Variants in NID1 observed in about 807,000 individuals in gnomAD.
NID1 encodes the protein nidogen-1.
Under a neutral mutation model 130.6 loss-of-function variants are expected in NID1, and 76 were observed. That is an observed-to-expected ratio of 0.58 (90% CI 0.48 to 0.70). NID1 has a LOEUF of 0.70. NID1 is among the 30% of genes least tolerant of loss of function. NID1 has a pLI of 0.00. For synonymous variants in NID1, 665 were observed against 675.1 expected, an observed-to-expected ratio of 0.98 and a Z score of 0.23; for missense variants, 1,517 against 1,664.8, an observed-to-expected ratio of 0.91 and a Z score of 1.54.
At chr1:236,026,260 T>C in intron 7 of NID1, 119 bp from the exon 8 acceptor site, 1 of 1,304,556 alleles carries the variant, frequency 7.7e-7, no homozygotes, top group East Asian at 2.4e-5. Flanking sequence ...CCCATAAGGC[T>C]ACCAGATGAC....
chr1:236,001,339 T>C (rs1658070820), intron 12 of NID1, among the ~76,000 whole-genome samples: 1 of 151,992 alleles, frequency 6.6e-6, no homozygotes, highest in Non-Finnish European at 1.5e-5. Context: ...ACTCCTGACC[T>C]CGTGATTCAC....
intron 12 of NID1, among the ~76,000 whole-genome samples, chr1:236,008,547 C>T (rs1658316169): frequency 6.6e-6 from 1 of 152,136 alleles, no homozygotes; most frequent in African/African-American, 2.4e-5. Flanking sequence ...GTCACCCAGG[C>T]TGGAGTGCAG....
At chr1:236,019,217 G>A (rs964213307) in intron 9 of NID1, among the ~76,000 whole-genome samples, 17 of 152,230 alleles carry the variant, frequency 1.1e-4, no homozygotes, top group African/African-American at 3.9e-4. Context: ...CAGCACGTTT[G>A]GACTTCACAG....
chr1:236,000,623 G>A (rs1163475494), intron 12 of NID1, among the ~76,000 whole-genome samples: 1 of 152,164 alleles, frequency 6.6e-6, no homozygotes, highest in Non-Finnish European at 1.5e-5. Flanking sequence ...GACCTCCTGA[G>A]GCTGTGTCAC....
intron 12 of NID1, among the ~76,000 whole-genome samples, chr1:236,004,017 A>C (rs2102810165): frequency 7.5e-6 from 1 of 133,014 alleles, no homozygotes; most frequent in South Asian, 2.6e-4. Flanking sequence ...TGAATGACAG[A>C]GTGAGACTCT....
intron 8 of NID1, among the ~76,000 whole-genome samples, chr1:236,024,816 C>G (rs1227094090): frequency 1.3e-5 from 2 of 152,224 alleles, no homozygotes; most frequent in Non-Finnish European, 2.9e-5. Flanking sequence ...CCCTAAACCT[C>G]AGCTCCTTCC....
intron 5 of NID1, among the ~76,000 whole-genome samples, chr1:236,034,947 C>T (rs1404747454): frequency 6.6e-6 from 1 of 151,534 alleles, no homozygotes; most frequent in African/African-American, 2.4e-5. Context: ...CACACCCAGC[C>T]CCTCACAGGT....
chr1:235,980,578 C>A lies in NID1; in HGVS notation c.3303G>T (p.Arg1101Ser), dbSNP rs868811218. Residue 1101 changes from arginine to serine, a missense_variant, in exon 17 of 20, where the codon AGG becomes AGT. This residue lies in a region of NID1 where 181 missense variants were observed against 211.3 expected (regional missense o/e 0.86). Transcript: ENST00000264187. ...ETSYMDGTNRRILVQDDLGLP... is the reference protein window; with the variant it reads ...ETSYMDGTNRSILVQDDLGLP... ...AGCCCAGGTCATCCTGCACAAGGAT[C>A]CTCCGGTTCGTGCCGTCCATGTAGG... The A allele has an allele frequency of 6.2e-7, 1 of 1,614,228 alleles. No homozygotes were observed.
intron 1 of NID1, among the ~76,000 whole-genome samples, chr1:236,059,234 C>T (rs1659978220): frequency 6.6e-6 from 1 of 152,108 alleles, no homozygotes; most frequent in Admixed American, 6.6e-5. Flanking sequence ...ATGCAAGTTG[C>T]AATGTTTTTT....
rs1658922062 is a variant in NID1, at chr1:236,026,109, C to T, written c.1771G>A (p.Val591Met). Residue 591 changes from valine (V) to methionine (M), a missense_variant, in exon 8 of 20, where the codon GTG becomes ATG. Coordinates refer to ENST00000264187, the MANE Select transcript of NID1 (RefSeq NM_002508.3). ...ITSSSTREYT[V>M]TEPERDGASP... ...GCCCCATCTCGCTCGGGCTCAGTCA[C>T]CGTGTACTCCCGGGTGGAGGAGGAA... The T allele has an allele frequency of 4.3e-6, 7 of 1,613,770 alleles. No individual in the cohort carries two copies. Among genetic ancestry groups the T allele is most frequent in the Non-Finnish European group, 5.9e-6 (7 of 1,179,954 alleles).
chr1:236,007,762 T>C (rs1200215689), intron 12 of NID1, among the ~76,000 whole-genome samples: 1 of 152,220 alleles, frequency 6.6e-6, no homozygotes, highest in Admixed American at 6.5e-5. Flanking sequence ...CCGACTAATG[T>C]CTCAGCAGCA....
At chr1:235,989,245 TG>T (rs1657658785) in intron 14 of NID1, among the ~76,000 whole-genome samples, 1 of 151,996 alleles carries the variant, frequency 6.6e-6, no homozygotes, top group African/African-American at 2.4e-5. Context: ...TTAGTAGAGA[TG>T]GGGTTTCTCC....
chr1:235,990,965 T>G lies in NID1; in HGVS notation c.2849A>C (p.Gln950Pro). 6.2e-7 allele frequency: 1 copy of G among 1,614,136 alleles called. No individual in the cohort carries two copies. The highest frequency in any genetic ancestry group is 1.1e-5 in the South Asian group (1 of 91,082). The change falls in exon 14 of 20, where the codon CAG (glutamine) becomes CCG (proline). Residue 950 changes from glutamine (Q) to proline (P), a missense_variant. Around this residue, in one of 3 missense-constraint regions of NID1, gnomAD observed 1,329 missense variants for 1,429.2 expected, o/e 0.93. Coordinates refer to ENST00000264187, the MANE Select transcript of NID1 (RefSeq NM_002508.3). ...GGGCAGGCGCTCAATCTTCCCAGTC[T>G]GGGCAAAGAGTAAATGGGTCCCAGG... ...LPPGTHLLFA[Q>P]TGKIERLPLE...
intron 6 of NID1, among the ~76,000 whole-genome samples, chr1:236,031,989 T>G (rs1659112752): frequency 1.3e-5 from 2 of 152,188 alleles, no homozygotes; most frequent in South Asian, 4.2e-4. Context: ...AAAGATCAGT[T>G]TCAGGTTGGT....
intron 12 of NID1, among the ~76,000 whole-genome samples, chr1:236,010,300 C>CTTTTTTTT (rs551127579): frequency 9.3e-6 from 1 of 107,192 alleles, no homozygotes; most frequent in Non-Finnish European, 1.9e-5. Flanking sequence ...GCTATTTATA[C>CTTTTTTTT]TTTTTTTTTT....
At position 235,981,763 on chromosome 1, in the gene NID1, A is replaced by G. The variant is rs1195703547; in HGVS notation, c.3075T>C (p.Gly1025=). ...TGCGGCCAAGGTGATCAACAGCGAT[A>G]CCTTCTGGACTTCCAAGATCTAGAA... ...IIRQDLGSPE[G]IAVDHLGRNI... The change falls in exon 16 of 20, where the codon GGT becomes GGC. Residue 1025 remains glycine, a synonymous_variant. Transcript: ENST00000264187. 1 of 1,610,580 alleles carries G rather than the reference A, an allele frequency of 6.2e-7. No homozygotes were observed. Among genetic ancestry groups the G allele is most frequent in the South Asian group, 1.1e-5 (1 of 90,320 alleles).
At chr1:236,062,277 T>C (rs1201559295) in intron 1 of NID1, among the ~76,000 whole-genome samples, 1 of 152,194 alleles carries the variant, frequency 6.6e-6, no homozygotes, top group Non-Finnish European at 1.5e-5. Context: ...TTCCCCACCA[T>C]GCCATTTATT....
intron 9 of NID1, among the ~76,000 whole-genome samples, chr1:236,020,711 C>A (rs1658736597): frequency 6.6e-6 from 1 of 152,214 alleles, no homozygotes; most frequent in Non-Finnish European, 1.5e-5. Flanking sequence ...AAGTGATCTG[C>A]TTAATGCAAT....
At chr1:236,050,419 G>A (rs1187012704) in intron 1 of NID1, among the ~76,000 whole-genome samples, 1 of 152,014 alleles carries the variant, frequency 6.6e-6, no homozygotes. Context: ...CGGACATGGT[G>A]GTGCACGCCT....
Sources: gnomAD v4.1 joint callset for allele counts (sites outside exome capture counted in the v4.1 genomes callset) on GRCh38, gnomAD v4.1.1 for gene constraint, gnomAD v4.1.1 regional missense constraint, MANE v1.5 for transcripts, NCBI Gene and HGNC (gene_info 2026-07-23, HGNC 2026-07-21) for gene names.